Variants in TGFBR3 observed in about 807,000 individuals in gnomAD.
The protein encoded by TGFBR3 is transforming growth factor beta receptor 3, also known as transforming growth factor beta receptor type 3.
TGFBR3 carries 46 observed loss-of-function variants against 87.9 expected under a neutral mutation model. The ratio of observed to expected loss-of-function variants is 0.52; its 90% CI spans 0.41 to 0.67. TGFBR3 has a LOEUF of 0.67. TGFBR3 is among the 30% of genes least tolerant of loss of function. The pLI is 0.00. For missense variants in TGFBR3, 866 were observed against 1,041.9 expected, an observed-to-expected ratio of 0.83 and a Z score of 2.32; for synonymous variants, 381 against 391.6, an observed-to-expected ratio of 0.97 and a Z score of 0.32.
intron 16 of TGFBR3, among the ~76,000 whole-genome samples, chr1:91,691,985 G>A (rs973437455): frequency 4.6e-5 from 7 of 151,924 alleles, no homozygotes; most frequent in Non-Finnish European, 8.8e-5. Context: ...GTGACAGAGC[G>A]AGACTCCGTC....
intron 3 of TGFBR3, among the ~76,000 whole-genome samples, chr1:91,764,550 T>C (rs1432301674): frequency 6.6e-6 from 1 of 151,972 alleles, no homozygotes; most frequent in Non-Finnish European, 1.5e-5. Flanking sequence ...AGGCCCTTCC[T>C]TCCCAGAGCA....
chr1:91,842,086 A>G (rs1377542358), intron 2 of TGFBR3, among the ~76,000 whole-genome samples: 7 of 149,484 alleles, frequency 4.7e-5, no homozygotes, highest in African/African-American at 7.5e-5. Context: ...TGGGTGACAG[A>G]GCAAGACTCT....
intron 15 of TGFBR3, 103 bp downstream of exon 15, chr1:91,697,986 A>G: frequency 9.5e-7 from 1 of 1,053,168 alleles, no homozygotes; most frequent in Non-Finnish European, 1.5e-6. Flanking sequence ...TGAGAGCAGA[A>G]GTCTCCTTAT....
At chr1:91,749,569 G>C (rs932198133) in intron 4 of TGFBR3, among the ~76,000 whole-genome samples, 3 of 152,220 alleles carry the variant, frequency 2.0e-5, no homozygotes, top group African/African-American at 7.2e-5. Flanking sequence ...GTTAGATAAT[G>C]TGGACTCGAG....
chr1:91,716,923 A>G (rs1672196526), intron 10 of TGFBR3, among the ~76,000 whole-genome samples: 1 of 152,252 alleles, frequency 6.6e-6, no homozygotes, highest in Admixed American at 6.5e-5. Flanking sequence ...GTTAAAAGCT[A>G]AACTAATATT....
chr1:91,792,827 A>C (rs1675243678), intron 3 of TGFBR3, among the ~76,000 whole-genome samples: 1 of 152,184 alleles, frequency 6.6e-6, no homozygotes, highest in South Asian at 2.1e-4. Flanking sequence ...CTTGCTCTAA[A>C]AGATAAATCT....
intron 4 of TGFBR3, among the ~76,000 whole-genome samples, chr1:91,745,282 A>C (rs1673302673): frequency 6.6e-6 from 1 of 152,170 alleles, no homozygotes; most frequent in Non-Finnish European, 1.5e-5. Context: ...GCACAAACAA[A>C]TCTCTTTTTG....
chr1:91,806,483 GTAATGTT>G (rs1675839362), intron 2 of TGFBR3, among the ~76,000 whole-genome samples: 1 of 152,090 alleles, frequency 6.6e-6, no homozygotes, highest in African/African-American at 2.4e-5. Flanking sequence ...GGCGGGGGGG[GTAATGTT>G]TTGGAGAAGA....
At chr1:91,837,896 C>T (rs545627129) in intron 2 of TGFBR3, among the ~76,000 whole-genome samples, 11 of 152,196 alleles carry the variant, frequency 7.2e-5, no homozygotes, top group Non-Finnish European at 1.2e-4. Flanking sequence ...AATACTACTG[C>T]ATTATATCCT....
chr1:91,787,098 T>C (rs1214869814), intron 3 of TGFBR3, among the ~76,000 whole-genome samples: 1 of 151,816 alleles, frequency 6.6e-6, no homozygotes, highest in Non-Finnish European at 1.5e-5. Context: ...GTCAAGAGAT[T>C]GAGACCATCC....
At position 91,863,347 on chromosome 1, in the gene TGFBR3, G is replaced by A. The variant is rs144323301; in HGVS notation, c.-113-1703C>T. Among the ~76,000 whole-genome samples, 304 of 152,324 alleles carry A rather than the reference G, an allele frequency of 2.0e-3. 2 individuals are homozygous for A. Among genetic ancestry groups the A allele is most frequent in the African/African-American group, 7.0e-3 (291 of 41,564 alleles). On this transcript the variant is annotated intron_variant, in intron 1 of 16. Coordinates refer to ENST00000212355, the MANE Select transcript of TGFBR3 (RefSeq NM_003243.5). ...TATGATAAAGATTAAAAATCTGCCT[G>A]GGTGTGAATCCACTCTGCCCCTTAC...
intron 14 of TGFBR3, among the ~76,000 whole-genome samples, chr1:91,703,536 T>C (rs1237585812): frequency 6.6e-6 from 1 of 152,240 alleles, no homozygotes; most frequent in Admixed American, 6.5e-5. Flanking sequence ...TGGAATGATA[T>C]TTATTGCTCC....
chr1:91,699,431 C>CTTTTTTTTTTTTTTTTTTTTTTTTT (rs60223260), intron 14 of TGFBR3, among the ~76,000 whole-genome samples: 1 of 80,846 alleles, frequency 1.2e-5, no homozygotes, highest in Non-Finnish European at 2.1e-5. Context: ...CTTTCTTTTG[C>CTTTTTTTTTTTTTTTTTTTTTTTTT]TTTTTTTTTT....
At chr1:91,835,738 C>G (rs1047227683) in intron 2 of TGFBR3, among the ~76,000 whole-genome samples, 1 of 140,382 alleles carries the variant, frequency 7.1e-6, no homozygotes. Context: ...TGAGGCAGGA[C>G]AATGACGTGA....
At chr1:91,897,380 G>C (rs575148902) in intron 2 of TGFBR3, among the ~76,000 whole-genome samples, 4 of 152,170 alleles carry the variant, frequency 2.6e-5, no homozygotes, top group African/African-American at 9.7e-5. Flanking sequence ...AAAAGGTTTT[G>C]TTATCTTTGG....
chr1:91,881,762 G>A (rs182723318), intron 1 of TGFBR3, among the ~76,000 whole-genome samples: 11 of 152,234 alleles, frequency 7.2e-5, no homozygotes, highest in East Asian at 1.9e-4. Flanking sequence ...ATATGGGGCC[G>A]GGCACAGTCG....
intron 5 of TGFBR3, among the ~76,000 whole-genome samples, chr1:91,734,232 C>T (rs930195152): frequency 6.6e-5 from 10 of 152,232 alleles, no homozygotes; most frequent in Admixed American, 2.0e-4. Context: ...CAAGACCCTA[C>T]ACTTCTTTTC....
chr1:91,894,670 G>A (rs1432932392), intron 2 of TGFBR3, among the ~76,000 whole-genome samples: 2 of 152,230 alleles, frequency 1.3e-5, no homozygotes, highest in African/African-American at 4.8e-5. Context: ...CCATCACACT[G>A]GCTGTTCCTT....
At chr1:91,858,623 AAAAAAAAAAAC>A (rs942338808) in intron 2 of TGFBR3, among the ~76,000 whole-genome samples, 1 of 151,024 alleles carries the variant, frequency 6.6e-6, no homozygotes, top group Non-Finnish European at 1.5e-5. Flanking sequence ...AAAAAAAAAA[AAAAAAAAAAAC>A]AAAATTTCCC....
Sources: allele counts gnomAD v4.1 joint callset (sites outside exome capture counted in the v4.1 genomes callset), GRCh38; gene constraint gnomAD v4.1.1; transcripts MANE v1.5; gene names NCBI Gene and HGNC (gene_info 2026-07-23, HGNC 2026-07-21).